The following IRAG2 variants were observed in gnomAD, a reference collection of about 807,000 sequenced individuals.
IRAG2 encodes inositol 1,4,5-triphosphate receptor associated 2.
In IRAG2, 45 loss-of-function variants were observed where a neutral mutation model predicts 69.9. The ratio of observed to expected loss-of-function variants is 0.64; its 90% CI spans 0.51 to 0.83. The LOEUF is 0.83. Ranked by LOEUF, IRAG2 falls within the 40% of genes least tolerant of loss-of-function variation. The pLI, the probability that IRAG2 is intolerant of heterozygous loss-of-function variation, is 0.00. For synonymous variants in IRAG2, 193 were observed against 202.4 expected (o/e 0.95, Z 0.40); for missense variants, 520 against 587.0 (o/e 0.89, Z 1.18).
intron 10 of IRAG2, among the ~76,000 whole-genome samples, chr12:25,084,464 A>C (rs1386507941): frequency 6.6e-6 from 1 of 152,068 alleles, no homozygotes; most frequent in Non-Finnish European, 1.5e-5. Context: ...AAGAGTAACT[A>C]CAGGTCTAAT....
intron 6 of IRAG2, among the ~76,000 whole-genome samples, chr12:25,018,496 C>T (rs1185292908): frequency 6.6e-6 from 1 of 151,922 alleles, no homozygotes; most frequent in Non-Finnish European, 1.5e-5. Context: ...GGGGGAGCCA[C>T]TGTGCCCAGT....
At chr12:25,042,392 A>G (rs1465588715) in intron 16 of IRAG2, among the ~76,000 whole-genome samples, 1 of 152,232 alleles carries the variant, frequency 6.6e-6, no homozygotes, top group Non-Finnish European at 1.5e-5. Context: ...ACCTCTTTAC[A>G]TGATGATAAA....
At chr12:25,069,516 T>A in intron 6 of IRAG2, 85 bp downstream of exon 6, 1 of 1,239,586 alleles carries the variant, frequency 8.1e-7, no homozygotes, top group Non-Finnish European at 1.2e-6. Context: ...TCCCTGTCTT[T>A]TTTATTTTTT....
At chr12:25,044,262 C>CACA (rs1944774015) in intron 16 of IRAG2, among the ~76,000 whole-genome samples, 1 of 151,542 alleles carries the variant, frequency 6.6e-6, no homozygotes, top group African/African-American at 2.4e-5. Context: ...AAGAACATAC[C>CACA]TATAGAGCAG....
At chr12:25,099,826 C>G (rs1948640661) in intron 15 of IRAG2, among the ~76,000 whole-genome samples, 1 of 151,348 alleles carries the variant, frequency 6.6e-6, no homozygotes, top group African/African-American at 2.4e-5. Context: ...GTGGTAAAAC[C>G]CCGTCTCTAC....
At chr12:25,019,451 C>A (rs1344808899) in intron 6 of IRAG2, among the ~76,000 whole-genome samples, 2 of 152,116 alleles carry the variant, frequency 1.3e-5, no homozygotes, top group African/African-American at 4.8e-5. Flanking sequence ...GATAATCTTC[C>A]CCTGGAGTTT....
chr12:25,055,418 T>G (rs748251868), intron 1 of IRAG2, among the ~76,000 whole-genome samples: 15 of 152,246 alleles, frequency 9.9e-5, no homozygotes, highest in Non-Finnish European at 2.2e-4. Flanking sequence ...ATCTTGTTAA[T>G]AGACACATGA....
At chr12:25,082,748 C>T (rs546743833) in intron 9 of IRAG2, among the ~76,000 whole-genome samples, 13 of 152,124 alleles carry the variant, frequency 8.5e-5, no homozygotes, top group Admixed American at 2.0e-4. Flanking sequence ...ATATAATACA[C>T]GCTTTAAATA....
chr12:25,090,168 G>C lies in IRAG2; in HGVS notation c.577G>C (p.Glu193Gln). 2 of 1,613,870 alleles carry C rather than the reference G, an allele frequency of 1.2e-6. No individual in the cohort carries two copies. Among genetic ancestry groups the C allele is most frequent in the Non-Finnish European group, 1.7e-6 (2 of 1,179,802 alleles). ...CTTGGCAGAAGAAAATTTGAAGAAA[G>C]AAATCACTAACTGTTTAAAACTATT... is the stretch of plus-strand genomic sequence containing the variant. ...RDLAEENLKK[E>Q]ITNCLKLLES... is the part of the protein sequence containing the mutation. The change falls in exon 14 of 22, where the codon GAA (glutamate) becomes CAA (glutamine). Residue 193 changes from glutamate to glutamine, a missense_variant. Transcript: ENST00000556887.
intron 7 of IRAG2, chr12:25,021,092 T>TG: frequency 5.4e-6 from 1 of 185,744 alleles, no homozygotes; most frequent in Admixed American, 1.8e-4. Flanking sequence ...CTTTCTTTTC[T>TG]TTTTTTTTTT....
exon 5 of IRAG2, chr12:25,015,425 T>G (rs894193585): frequency 5.7e-6 from 7 of 1,230,694 alleles, no homozygotes; most frequent in Non-Finnish European, 7.1e-6. Flanking sequence ...TCTAAAGGAG[T>G]CTTGTAAGCC....
At chr12:25,040,761 G>A (rs1340917616) in intron 16 of IRAG2, among the ~76,000 whole-genome samples, 2 of 152,142 alleles carry the variant, frequency 1.3e-5, no homozygotes, top group Non-Finnish European at 1.5e-5. Context: ...AAGCCTTGGT[G>A]AGGAAACAAG....
intron 16 of IRAG2, among the ~76,000 whole-genome samples, chr12:25,041,931 T>A (rs1944753639): frequency 6.6e-6 from 1 of 151,224 alleles, no homozygotes; most frequent in South Asian, 2.1e-4. Context: ...GAATAAGCAG[T>A]GCTGAATTGA....
At chr12:25,082,165 A>C (rs968501093) in intron 9 of IRAG2, among the ~76,000 whole-genome samples, 1 of 152,188 alleles carries the variant, frequency 6.6e-6, no homozygotes, top group Non-Finnish European at 1.5e-5. Flanking sequence ...GCTAGACAAA[A>C]TTTAATAACA....
chr12:25,048,716 T>G (rs1944817671), upstream of IRAG2, among the ~76,000 whole-genome samples: 1 of 152,264 alleles, frequency 6.6e-6, no homozygotes, highest in South Asian at 2.1e-4. Context: ...CTAGGTTGTC[T>G]GTTGACTCTG....
At chr12:25,094,139 A>G (rs1948262184) in intron 14 of IRAG2, among the ~76,000 whole-genome samples, 1 of 151,846 alleles carries the variant, frequency 6.6e-6, no homozygotes, top group East Asian at 1.9e-4. Flanking sequence ...TCTCGGTGTT[A>G]TATCCAAGAA....
intron 8 of IRAG2, among the ~76,000 whole-genome samples, chr12:25,025,520 A>G (rs1355281490): frequency 6.6e-6 from 1 of 150,544 alleles, no homozygotes; most frequent in Non-Finnish European, 1.5e-5. Flanking sequence ...AAACAAAACA[A>G]AACAAAAAAA....
At chr12:25,005,234 C>T in intron 1 of IRAG2, 1 of 1,194,080 alleles carries the variant, frequency 8.4e-7, no homozygotes, top group South Asian at 4.2e-5. Flanking sequence ...ACTTTTTCTT[C>T]TAATAGGATG....
intron 13 of IRAG2, chr12:25,035,409 T>G (rs1189636771): frequency 6.1e-6 from 2 of 327,030 alleles, no homozygotes; most frequent in Non-Finnish European, 1.1e-5. Context: ...GTTTATATCA[T>G]CAGCATGTAA....
Sources: gnomAD v4.1 joint callset for allele counts (sites outside exome capture counted in the v4.1 genomes callset) on GRCh38, gnomAD v4.1.1 for gene constraint, MANE v1.5 for transcripts, NCBI Gene and HGNC (gene_info 2026-07-23, HGNC 2026-07-21) for gene names.